Variants in PTPRT observed in about 807,000 individuals in gnomAD.
PTPRT encodes the protein receptor-type tyrosine-protein phosphatase T.
In PTPRT, 56 loss-of-function variants were observed where a neutral mutation model predicts 176.8. The ratio of observed to expected loss-of-function variants is 0.32; its 90% CI spans 0.26 to 0.40. The LOEUF (loss-of-function observed/expected upper bound fraction) is 0.40. Ranked by LOEUF, PTPRT falls within the 10% of genes least tolerant of loss-of-function variation. PTPRT has a pLI of 1.00. For synonymous variants in PTPRT, 783 were observed against 739.0 expected (o/e 1.06, Z -0.96); for missense variants, 1,540 against 1,908.2 (o/e 0.81, Z 3.60).
In PTPRT at chr20:43,002,104, C is replaced by A. The variant is rs988174622; in HGVS notation, c.89-116172G>T. Among the ~76,000 whole-genome samples, 6 of 150,022 alleles carry A rather than the reference C, an allele frequency of 4.0e-5. No individual in the cohort carries two copies. In the Admixed American group the frequency reaches 4.4e-4, roughly 11 times the overall value. ...CTGATGGTTTTAAAAGTGGCCATTT[C>A]TCCTGTGCATGCACTTTCTCCTTCC... On this transcript the variant is annotated intron_variant, in intron 1 of 30. Coordinates refer to ENST00000373187, the MANE Select transcript of PTPRT (RefSeq NM_007050.6).
intron 13 of PTPRT, among the ~76,000 whole-genome samples, chr20:42,271,122 CCA>C (rs2056927007): frequency 6.6e-6 from 1 of 152,290 alleles, no homozygotes; most frequent in East Asian, 1.9e-4. Context: ...AAACTTCAAA[CCA>C]CCTCACTCAG....
chr20:42,260,793 G>A (rs1009324937), intron 13 of PTPRT, among the ~76,000 whole-genome samples: 6 of 152,204 alleles, frequency 3.9e-5, no homozygotes, highest in African/African-American at 1.4e-4. Flanking sequence ...TATTCAAAGG[G>A]AGAAGCAGAA....
At chr20:42,716,599 T>G (rs1192893556) in intron 6 of PTPRT, among the ~76,000 whole-genome samples, 8 of 150,204 alleles carry the variant, frequency 5.3e-5, no homozygotes. Context: ...GATGGGGTTG[T>G]TTGTTTTTTT....
At chr20:42,115,111 G>T in intron 22 of PTPRT, 88 bp downstream of exon 22, 1 of 954,464 alleles carries the variant, frequency 1.0e-6, no homozygotes, top group Non-Finnish European at 1.7e-6. Flanking sequence ...TGGACGTAGA[G>T]CAGACCCTCA....
At chr20:42,700,124 A>G (rs2075952601) in intron 6 of PTPRT, among the ~76,000 whole-genome samples, 2 of 152,208 alleles carry the variant, frequency 1.3e-5, no homozygotes, top group Non-Finnish European at 2.9e-5. Context: ...TTCTTGACAT[A>G]GCACTCGACC....
intron 6 of PTPRT, among the ~76,000 whole-genome samples, chr20:42,723,201 A>G (rs1268237643): frequency 2.0e-5 from 3 of 152,178 alleles, no homozygotes; most frequent in Non-Finnish European, 4.4e-5. Flanking sequence ...TCTTGTCACG[A>G]TTTTGATTAA....
chr20:42,423,037 C>A (rs948249686), intron 9 of PTPRT, among the ~76,000 whole-genome samples: 2 of 151,754 alleles, frequency 1.3e-5, no homozygotes, highest in African/African-American at 4.8e-5. Context: ...CACACTGGGG[C>A]CTTTCAGAGG....
At chr20:42,394,608 T>C (rs932968178) in intron 9 of PTPRT, among the ~76,000 whole-genome samples, 1 of 152,196 alleles carries the variant, frequency 6.6e-6, no homozygotes, top group East Asian at 1.9e-4. Flanking sequence ...TAGGATATGA[T>C]TGGATACCTT....
intron 7 of PTPRT, among the ~76,000 whole-genome samples, chr20:42,539,476 C>T (rs375546102): frequency 6.6e-6 from 1 of 150,752 alleles, no homozygotes; most frequent in African/African-American, 2.4e-5. Flanking sequence ...TTATCAATGT[C>T]CTTAATTGTG....
chr20:42,782,500 G>A (rs565690552), intron 3 of PTPRT, among the ~76,000 whole-genome samples: 25 of 152,282 alleles, frequency 1.6e-4, no homozygotes, highest in African/African-American at 5.3e-4. Flanking sequence ...TCTGAAATAC[G>A]GAATATGGTT....
chr20:43,075,420 A>G (rs1349184371), intron 1 of PTPRT, among the ~76,000 whole-genome samples: 1 of 152,246 alleles, frequency 6.6e-6, no homozygotes, highest in Non-Finnish European at 1.5e-5. Context: ...GCTGGATGGC[A>G]GTTGCTTTTC....
chr20:42,610,379 G>GT (rs74271793), intron 7 of PTPRT, among the ~76,000 whole-genome samples: 17,029 of 136,252 alleles, frequency 0.12, 1,055 homozygotes, highest in South Asian at 0.16. Context: ...TACTTGTTTT[G>GT]TTTTTTTTTT....
chr20:42,701,350 C>A (rs1393529604), intron 6 of PTPRT, among the ~76,000 whole-genome samples: 1 of 152,138 alleles, frequency 6.6e-6, no homozygotes, highest in Non-Finnish European at 1.5e-5. Flanking sequence ...GTAACCCACA[C>A]AACAGTAGAT....
chr20:42,953,507 T>C lies in PTPRT; in HGVS notation c.89-67575A>G, dbSNP rs984328403. ...TCTGTAGTTAAGCCATAACTTGTTG[T>C]TCACTTGAAGAAGAGCTCAGATGAC... On this transcript the variant is annotated intron_variant, in intron 1 of 30. Transcript: ENST00000373187. Among the ~76,000 whole-genome samples, 6 of 152,192 alleles carry C rather than the reference T, an allele frequency of 3.9e-5. No individual in the cohort carries two copies. In the South Asian group the frequency reaches 1.2e-3, roughly 32 times the overall value.
chr20:42,460,210 A>G (rs1048348630), intron 8 of PTPRT, among the ~76,000 whole-genome samples: 11 of 152,178 alleles, frequency 7.2e-5, no homozygotes, highest in African/African-American at 2.7e-4. Context: ...TTATTAACAT[A>G]TGGATGGATT....
At chr20:42,310,958 C>T (rs569979441) in intron 12 of PTPRT, among the ~76,000 whole-genome samples, 5 of 152,324 alleles carry the variant, frequency 3.3e-5, no homozygotes, top group East Asian at 1.9e-4. Flanking sequence ...CACACTTGAA[C>T]TCTGCATGGT....
chr20:42,231,390 C>A (rs2056132403), intron 15 of PTPRT, among the ~76,000 whole-genome samples: 1 of 152,208 alleles, frequency 6.6e-6, no homozygotes, highest in Admixed American at 6.5e-5. Flanking sequence ...GACAAGTCTT[C>A]AGACTTCAGT....
intron 1 of PTPRT, chr20:43,063,270 C>A (rs1330176939): frequency 6.6e-6 from 1 of 152,204 alleles, no homozygotes; most frequent in Non-Finnish European, 1.5e-5. Context: ...CTCCAACCAT[C>A]CTTCATTTGG....
intron 5 of PTPRT, among the ~76,000 whole-genome samples, chr20:42,769,560 C>T (rs982633821): frequency 2.6e-5 from 4 of 152,062 alleles, no homozygotes; most frequent in Non-Finnish European, 5.9e-5. Context: ...TCAAACAGCT[C>T]GTTGTTCTTT....
Sources: allele counts gnomAD v4.1 joint callset (sites outside exome capture counted in the v4.1 genomes callset), GRCh38; gene constraint gnomAD v4.1.1; transcripts MANE v1.5; gene names NCBI Gene and HGNC (gene_info 2026-07-23, HGNC 2026-07-21).